The following GULP1 variants were observed in gnomAD, a reference collection of about 807,000 sequenced individuals.
GULP1 encodes the protein PTB domain-containing engulfment adapter protein 1.
In GULP1, 19 loss-of-function variants were observed where a neutral mutation model predicts 40.9. The ratio of observed to expected loss-of-function variants is 0.46; its 90% confidence interval spans 0.32 to 0.68. The LOEUF (loss-of-function observed/expected upper bound fraction) is 0.68, where lower values mean the gene tolerates loss of function less well. Ranked by LOEUF, GULP1 falls within the 30% of genes least tolerant of loss-of-function variation. The pLI is 0.03. For missense variants in GULP1, 312 were observed against 362.2 expected (o/e 0.86, Z 1.12); for synonymous variants, 119 against 117.6 (o/e 1.01, Z -0.08).
intron 1 of GULP1, among the ~76,000 whole-genome samples, chr2:188,295,383 C>T (rs1418670099): frequency 6.6e-6 from 1 of 152,166 alleles, no homozygotes; most frequent in Non-Finnish European, 1.5e-5. Flanking sequence ...CACCGAACTT[C>T]TCAGCTCTGT....
chr2:188,552,920 C>T (rs7566071), intron 7 of GULP1, among the ~76,000 whole-genome samples: 146,503 of 150,434 alleles, frequency 0.97, 71,473 homozygotes, highest in East Asian at 1. Flanking sequence ...TATATATATA[C>T]GTATATATAT....
At chr2:188,580,955 G>T (rs1273530290) in intron 9 of GULP1, among the ~76,000 whole-genome samples, 1 of 152,186 alleles carries the variant, frequency 6.6e-6, no homozygotes, top group Non-Finnish European at 1.5e-5. Flanking sequence ...TGGCCCGAGC[G>T]TAGGCAGTTA....
At chr2:188,417,947 A>G (rs185299572) in intron 2 of GULP1, among the ~76,000 whole-genome samples, 1 of 151,592 alleles carries the variant, frequency 6.6e-6, no homozygotes, top group Non-Finnish European at 1.5e-5. Context: ...ACATCATCTC[A>G]CACAGCTGAT....
At chr2:188,530,621 G>T (rs1479103626) in intron 6 of GULP1, among the ~76,000 whole-genome samples, 1 of 152,066 alleles carries the variant, frequency 6.6e-6, no homozygotes, top group Non-Finnish European at 1.5e-5. Flanking sequence ...TAAGGACCAC[G>T]TGAAGGCAGC....
At chr2:188,434,429 T>C (rs57401236) in intron 2 of GULP1, among the ~76,000 whole-genome samples, 2,370 of 151,888 alleles carry the variant, frequency 0.016, 72 homozygotes, top group African/African-American at 0.054. Context: ...ACTCTTGATA[T>C]GTACATGTTT....
At chr2:188,563,024 T>C (rs1324481882) in intron 7 of GULP1, among the ~76,000 whole-genome samples, 3 of 152,120 alleles carry the variant, frequency 2.0e-5, no homozygotes, top group Admixed American at 2.0e-4. Flanking sequence ...GTAAAGCTGC[T>C]GAGAGGCAAA....
At chr2:188,395,873 G>A (rs2051181853) in intron 2 of GULP1, among the ~76,000 whole-genome samples, 1 of 152,116 alleles carries the variant, frequency 6.6e-6, no homozygotes, top group African/African-American at 2.4e-5. Flanking sequence ...TAGCAGGGGG[G>A]TAACATAGCC....
At chr2:188,483,796 C>T (rs77392850) in intron 4 of GULP1, among the ~76,000 whole-genome samples, 2,727 of 152,176 alleles carry the variant, frequency 0.018, 77 homozygotes, top group African/African-American at 0.06. Flanking sequence ...AACAAATTAG[C>T]TTTCTTTAAA....
chr2:188,434,917 C>T (rs1454535404), intron 2 of GULP1, among the ~76,000 whole-genome samples: 1 of 151,896 alleles, frequency 6.6e-6, no homozygotes. Context: ...CACAACTTTA[C>T]ATAAGATGTG....
chr2:188,515,706 G>GACACAC (rs58687237), intron 4 of GULP1, among the ~76,000 whole-genome samples: 1 of 145,346 alleles, frequency 6.9e-6, no homozygotes, highest in Non-Finnish European at 1.5e-5. Context: ...TACACACACA[G>GACACAC]ACACACACAC....
At chr2:188,385,706 C>A (rs905680399) in intron 2 of GULP1, among the ~76,000 whole-genome samples, 4 of 152,138 alleles carry the variant, frequency 2.6e-5, no homozygotes, top group African/African-American at 9.7e-5. Flanking sequence ...ACATTCCTTC[C>A]TCCAGATACC....
intron 1 of GULP1, among the ~76,000 whole-genome samples, chr2:188,298,031 G>A (rs1290710350): frequency 6.6e-6 from 1 of 151,974 alleles, no homozygotes; most frequent in Non-Finnish European, 1.5e-5. Context: ...AAAACATAGG[G>A]TTATAAGTAC....
chr2:188,395,190 C>G lies in GULP1; in HGVS notation c.-45+11301C>G, dbSNP rs112357748. ...GGAACAGTCGGAGGCACCTGAACTC[C>G]CCTGTCAGGCCAGCAGGAAAGCAGT... On this transcript the variant is annotated intron_variant, in intron 2 of 11. Coordinates refer to ENST00000409830, the MANE Select transcript of GULP1 (RefSeq NM_016315.4). Among the ~76,000 whole-genome samples, 1,341 of 152,252 alleles carry G rather than the reference C, an allele frequency of 8.8e-3. 6 individuals are homozygous for G. The highest frequency in any genetic ancestry group is 0.017 in the Middle Eastern group (5 of 294).
At chr2:188,490,252 A>C (rs1317238438) in intron 4 of GULP1, among the ~76,000 whole-genome samples, 1 of 152,142 alleles carries the variant, frequency 6.6e-6, no homozygotes, top group Non-Finnish European at 1.5e-5. Context: ...TTAAGCTTAC[A>C]CAGGAAGATA....
intron 11 of GULP1, chr2:188,592,654 T>C (rs1040471682): frequency 1.3e-5 from 2 of 152,168 alleles, no homozygotes; most frequent in African/African-American, 2.4e-5. Flanking sequence ...AGAATATTCT[T>C]TGAACATTAA....
At chr2:188,502,262 T>G (rs985734592) in intron 4 of GULP1, among the ~76,000 whole-genome samples, 44 of 151,880 alleles carry the variant, frequency 2.9e-4, no homozygotes, top group African/African-American at 9.4e-4. Flanking sequence ...GGCAGTAAGT[T>G]GTCCTGATTT....
chr2:188,457,939 C>G (rs1365678117), intron 2 of GULP1, among the ~76,000 whole-genome samples: 1 of 152,158 alleles, frequency 6.6e-6, no homozygotes, highest in Non-Finnish European at 1.5e-5. Context: ...CTTATATCTT[C>G]CATTCACTCT....
At chr2:188,527,947 G>A (rs1182506095) in intron 5 of GULP1, among the ~76,000 whole-genome samples, 1 of 152,124 alleles carries the variant, frequency 6.6e-6, no homozygotes. Context: ...TGCATTACAT[G>A]TCATCAATTT....
intron 2 of GULP1, among the ~76,000 whole-genome samples, chr2:188,431,553 C>T (rs2056876438): frequency 6.6e-6 from 1 of 152,094 alleles, no homozygotes; most frequent in African/African-American, 2.4e-5. Flanking sequence ...TCTTGTTATA[C>T]TAACCAATTA....
Sources: allele counts gnomAD v4.1 joint callset (sites outside exome capture counted in the v4.1 genomes callset), GRCh38; gene constraint gnomAD v4.1.1; transcripts MANE v1.5; gene names NCBI Gene and HGNC (gene_info 2026-07-23, HGNC 2026-07-21).